Variants in TP73 observed in about 807,000 individuals in gnomAD.
TP73 encodes the protein tumor protein p73.
A neutral mutation model predicts 62.5 loss-of-function variants in TP73; 25 were observed. The observed-to-expected ratio is 0.40, with a 90% CI of 0.29 to 0.56. The LOEUF is 0.56. TP73 is among the 20% of genes least tolerant of loss of function. TP73 has a pLI of 0.46. For synonymous variants in TP73, 423 were observed against 377.5 expected, an observed-to-expected ratio of 1.12 and a Z score of -1.40; for missense variants, 754 against 913.3, an observed-to-expected ratio of 0.83 and a Z score of 2.25.
intron 4 of TP73, among the ~76,000 whole-genome samples, chr1:3,715,120 G>A (rs1640483839): frequency 6.6e-6 from 1 of 152,192 alleles, no homozygotes; most frequent in Non-Finnish European, 1.5e-5. Context: ...AAGGCAGTCT[G>A]TGTGAGTCTC....
Position 3,730,821 on chromosome 1 carries a change from C to A in TP73, c.1346-106C>A, listed in dbSNP as rs772368958. On this transcript the variant is annotated intron_variant, in intron 11 of 13. Transcript: ENST00000378295. ...TGATGCCCAGCGTCACATCGCCAGG[C>A]CTTGGGATGGCTCCCTGGTGTCCAG... The A allele has an allele frequency of 3.5e-4, 489 of 1,402,524 alleles. 1 individual carries two copies. The highest frequency in any genetic ancestry group is 4.1e-4 in the Non-Finnish European group (427 of 1,051,416). The allele number at this position is 1,402,524 out of a possible 1,614,324, so 86.9% of individuals were successfully genotyped here.
rs1035049446 is a variant in TP73, at chr1:3,729,772, G to T, written c.1197-228G>T. The T allele has an allele frequency of 2.4e-5, 18 of 753,612 alleles. No individual in the cohort carries two copies. In the African/African-American group the frequency reaches 3.1e-4, roughly 13 times the overall value. 46.7% of individuals were successfully genotyped at this position (753,612 alleles called of 1,614,324 possible). ...CCAGAGTCCGATTCCAGTGGCACAG[G>T]TCATCCCCCTGCCTCCCGGCCCCGC... On this transcript the variant is annotated intron_variant, in intron 10 of 13. Coordinates refer to ENST00000378295, the MANE Select transcript of TP73 (RefSeq NM_005427.4).
chr1:3,657,990 G>T (rs1390795541), intron 1 of TP73, among the ~76,000 whole-genome samples: 1 of 152,238 alleles, frequency 6.6e-6, no homozygotes, highest in Non-Finnish European at 1.5e-5. Flanking sequence ...GCTACAGAAG[G>T]TCGGGGGACA....
At chr1:3,710,421 C>T (rs1383332784) in intron 4 of TP73, among the ~76,000 whole-genome samples, 4 of 152,304 alleles carry the variant, frequency 2.6e-5, no homozygotes, top group East Asian at 1.9e-4. Flanking sequence ...ACGGGGCCGC[C>T]GGGCAGCCCG....
At chr1:3,688,516 A>G (rs1645724660) in intron 3 of TP73, among the ~76,000 whole-genome samples, 1 of 152,106 alleles carries the variant, frequency 6.6e-6, no homozygotes, top group Non-Finnish European at 1.5e-5. Context: ...TCCTGCGGAA[A>G]GTCAGGCGGA....
At chr1:3,656,705 A>T (rs753156143) in intron 1 of TP73, among the ~76,000 whole-genome samples, 6 of 152,222 alleles carry the variant, frequency 3.9e-5, no homozygotes, top group Non-Finnish European at 8.8e-5. Context: ...GTTGGCTCAG[A>T]CACGGCCCCC....
intron 3 of TP73, among the ~76,000 whole-genome samples, chr1:3,690,321 G>C (rs550604193): frequency 1.0e-3 from 158 of 152,162 alleles, no homozygotes; most frequent in Non-Finnish European, 1.9e-3. Context: ...CGCGCAGGGG[G>C]CAGGTGCGCC....
chr1:3,729,444 A>G lies in TP73; in HGVS notation c.1192A>G (p.Arg398Gly), dbSNP rs765497694. The stretch of plus-strand genomic sequence containing the variant: ...TCGGCAGCAGCAGCAGCTCCTACAG[A>G]GGCCGTGAGTCAGCCCTAGCCCACC... Reference protein sequence around the residue: ...SYRQQQQLLQRPSHLQPPSYG... With the variant: ...SYRQQQQLLQGPSHLQPPSYG... The change falls in exon 10 of 14, where the codon AGG becomes GGG. Residue 398 changes from arginine (R) to glycine (G), a missense_variant. Around this residue, in one of 3 missense-constraint regions of TP73, gnomAD observed 458 missense variants for 528.7 expected, o/e 0.87. Coordinates refer to ENST00000378295, the MANE Select transcript of TP73 (RefSeq NM_005427.4). 2 of 1,612,714 alleles carry G rather than the reference A, an allele frequency of 1.2e-6. No individual in the cohort carries two copies. Among genetic ancestry groups the G allele is most frequent in the Non-Finnish European group, 1.7e-6 (2 of 1,179,962 alleles).
Position 3,670,774 on chromosome 1 carries a change from A to G in TP73, c.-33-11559A>G, listed in dbSNP as rs551838454. On this transcript the variant is annotated intron_variant, in intron 1 of 13. Transcript: ENST00000378295. The surrounding 1 kb of genome is among the most constrained non-coding windows in gnomAD (Gnocchi z 5.9). Reference sequence around the variant, plus strand: ...CCCAAATGGTGCTTCTCCAGCAGTCACTCTGTTCCTGTCCTGACCTGACCT... The same window carrying G: ...CCCAAATGGTGCTTCTCCAGCAGTCGCTCTGTTCCTGTCCTGACCTGACCT... Among the ~76,000 whole-genome samples, 3 of 152,318 alleles carry G rather than the reference A, an allele frequency of 2.0e-5. No homozygotes were observed. The highest frequency in any genetic ancestry group is 4.4e-5 in the Non-Finnish European group (3 of 68,036).
chr1:3,722,883 A>AG (rs1641196537), intron 5 of TP73, among the ~76,000 whole-genome samples: 2 of 120,534 alleles, frequency 1.7e-5, no homozygotes, highest in Non-Finnish European at 1.7e-5. Flanking sequence ...CACCTGGCAC[A>AG]GGGTGGGCAC....
At chr1:3,707,396 T>C (rs563426044) in intron 3 of TP73, among the ~76,000 whole-genome samples, 153 bp from the exon 4 acceptor site, 9 of 152,262 alleles carry the variant, frequency 5.9e-5, no homozygotes, top group African/African-American at 2.2e-4. Context: ...ATGCAAGTAG[T>C]GGCCTGTTGG....
chr1:3,720,022 TCTCCTGC>T (rs1305596512), intron 4 of TP73, among the ~76,000 whole-genome samples: 2 of 151,526 alleles, frequency 1.3e-5, no homozygotes, highest in African/African-American at 4.9e-5. Flanking sequence ...TTCAAGCGAT[TCTCCTGC>T]CTCCTGCCTC....
chr1:3,687,888 A>G (rs1448706264), intron 3 of TP73, among the ~76,000 whole-genome samples: 2 of 152,182 alleles, frequency 1.3e-5, no homozygotes, highest in African/African-American at 2.4e-5. Flanking sequence ...ACCCAGTGGC[A>G]GGACAGACAC....
intron 4 of TP73, among the ~76,000 whole-genome samples, chr1:3,719,416 C>G (rs1037005230): frequency 6.6e-6 from 1 of 152,330 alleles, no homozygotes; most frequent in Middle Eastern, 3.4e-3. Flanking sequence ...CTCCCCTGCT[C>G]GGGGCACTGG....
At chr1:3,691,803 C>G (rs535247301) in intron 3 of TP73, among the ~76,000 whole-genome samples, 1 of 152,318 alleles carries the variant, frequency 6.6e-6, no homozygotes, top group South Asian at 2.1e-4. Flanking sequence ...GGGCAGCGGG[C>G]AGATAGGCAG....
At chr1:3,694,790 T>C (rs567909602) in intron 3 of TP73, among the ~76,000 whole-genome samples, 39 of 129,558 alleles carry the variant, frequency 3.0e-4, no homozygotes, top group African/African-American at 1.2e-3. Flanking sequence ...ATCCCAGCCA[T>C]GCAGCCTCAG....
chr1:3,691,442 G>C (rs532491285), intron 3 of TP73, among the ~76,000 whole-genome samples: 7 of 152,090 alleles, frequency 4.6e-5, no homozygotes, highest in Non-Finnish European at 1.0e-4. Flanking sequence ...GGTGCTTCTT[G>C]TCAGCCCCAC....
chr1:3,674,898 C>G (rs954502522), intron 1 of TP73, among the ~76,000 whole-genome samples: 1 of 152,216 alleles, frequency 6.6e-6, no homozygotes, highest in Non-Finnish European at 1.5e-5. Flanking sequence ...CGCTGACCGC[C>G]CGACCCCTCT....
chr1:3,715,711 C>G (rs562770124), intron 4 of TP73, among the ~76,000 whole-genome samples: 1 of 152,132 alleles, frequency 6.6e-6, no homozygotes. Flanking sequence ...CTTGGGCAAA[C>G]GCTGCCTCGC....
Sources: gnomAD v4.1 joint callset for allele counts (sites outside exome capture counted in the v4.1 genomes callset) on GRCh38, gnomAD v4.1.1 for gene constraint, gnomAD v4.1.1 regional missense constraint, Gnocchi (gnomAD v3.1) non-coding constraint, MANE v1.5 for transcripts, NCBI Gene and HGNC (gene_info 2026-07-23, HGNC 2026-07-21) for gene names.